Variants in ST8SIA5 observed in about 807,000 individuals in gnomAD.
ST8SIA5 encodes ST8 alpha-N-acetyl-neuraminide alpha-2,8-sialyltransferase 5, also known as alpha-2,8-sialyltransferase 8E.
A neutral mutation model predicts 40.2 loss-of-function variants in ST8SIA5; 24 were observed. The observed-to-expected ratio is 0.60, with a 90% CI of 0.43 to 0.84. The LOEUF (loss-of-function observed/expected upper bound fraction) is 0.84, where lower values mean the gene tolerates loss of function less well. Ranked by LOEUF, ST8SIA5 falls within the 40% of genes least tolerant of loss-of-function variation. ST8SIA5 has a pLI of 0.00. For synonymous variants in ST8SIA5, 198 were observed against 201.8 expected (o/e 0.98, Z 0.16); for missense variants, 465 against 498.5 (o/e 0.93, Z 0.64).
rs1051366867 is a variant in ST8SIA5 at position 46,669,127 on chromosome 18, G to C, written c.*10915C>G. 2 of 152,638 alleles carry C rather than the reference G, an allele frequency of 1.3e-5. No individual in the cohort carries two copies. The highest frequency in any genetic ancestry group is 1.3e-4 in the Admixed American group (2 of 15,296). 9.5% of individuals were successfully genotyped at this position (152,638 alleles called of 1,614,324 possible). On this transcript the variant is annotated 3_prime_UTR_variant, in exon 7 of 7. Transcript: ENST00000315087. ...TTGGCCCCCAAAGAGGAATGAATACGAACAGGTCCCTCCACACAGGTGCTG... is the reference window on the plus strand; with the variant it reads ...TTGGCCCCCAAAGAGGAATGAATACCAACAGGTCCCTCCACACAGGTGCTG...
chr18:46,753,196 A>T (rs2040210617), intron 1 of ST8SIA5, among the ~76,000 whole-genome samples: 1 of 152,040 alleles, frequency 6.6e-6, no homozygotes, highest in Non-Finnish European at 1.5e-5. Flanking sequence ...ACCTTCAATT[A>T]TTTATTCATT....
chr18:46,749,637 T>A (rs1599157101), intron 1 of ST8SIA5, among the ~76,000 whole-genome samples: 1 of 152,388 alleles, frequency 6.6e-6, no homozygotes, highest in South Asian at 2.1e-4. Context: ...TATTTCTATA[T>A]GCCAGCTACG....
intron 1 of ST8SIA5, among the ~76,000 whole-genome samples, chr18:46,742,112 A>T (rs1379231792): frequency 2.0e-5 from 3 of 151,886 alleles, no homozygotes; most frequent in Non-Finnish European, 2.9e-5. Context: ...AAAATAAATA[A>T]ATAAATAAAT....
intron 1 of ST8SIA5, among the ~76,000 whole-genome samples, chr18:46,714,641 G>A (rs781726176): frequency 7.9e-5 from 12 of 152,234 alleles, no homozygotes; most frequent in African/African-American, 2.4e-4. Flanking sequence ...CGTCTGGGGC[G>A]AACCTAGGCC....
In ST8SIA5 at chr18:46,678,837, T is replaced by C. The variant is rs1349997787; in HGVS notation, c.*1205A>G. ...CTCTTAGACACCATCCCATTTATGG[T>C]GGAAACACCACAGGGAGAAGCAAAG... On this transcript the variant is annotated 3_prime_UTR_variant, in exon 7 of 7. Transcript: ENST00000315087. 1 of 152,204 alleles carries C rather than the reference T, an allele frequency of 6.6e-6. No homozygotes were observed. The highest frequency in any genetic ancestry group is 1.5e-5 in the Non-Finnish European group (1 of 68,062). The allele number at this position is 152,204 out of a possible 1,614,324, so 9.4% of individuals were successfully genotyped here. A position where few individuals can be genotyped will look rare whatever the true frequency, so the allele number is the denominator to read the frequency against.
intron 1 of ST8SIA5, chr18:46,721,456 C>A (rs1285782115): frequency 6.5e-7 from 1 of 1,536,120 alleles, no homozygotes; most frequent in Admixed American, 2.0e-5. Context: ...CTCTGCCAAC[C>A]AAACTGGAGG....
At chr18:46,734,995 C>A (rs918369094) in intron 1 of ST8SIA5, among the ~76,000 whole-genome samples, 3 of 152,186 alleles carry the variant, frequency 2.0e-5, no homozygotes, top group African/African-American at 7.2e-5. Context: ...GCAGACCCAC[C>A]CTTAATGTGG....
At chr18:46,683,615 A>G (rs1371943642) in intron 5 of ST8SIA5, among the ~76,000 whole-genome samples, 2 of 152,062 alleles carry the variant, frequency 1.3e-5, no homozygotes, top group African/African-American at 2.4e-5. Context: ...GGTTTAAGGA[A>G]TAATTGTGCA....
intron 1 of ST8SIA5, among the ~76,000 whole-genome samples, chr18:46,728,864 C>T (rs2039958348): frequency 6.6e-6 from 1 of 152,116 alleles, no homozygotes; most frequent in South Asian, 2.1e-4. Flanking sequence ...CTGAACACTG[C>T]CATCAGAGTG....
intron 6 of ST8SIA5, among the ~76,000 whole-genome samples, chr18:46,681,491 A>G (rs989809878): frequency 2.6e-5 from 4 of 152,216 alleles, no homozygotes; most frequent in African/African-American, 9.6e-5. Flanking sequence ...AAAACCTTCC[A>G]GATGAACCCC....
At chr18:46,732,114 A>C (rs2039990508) in intron 1 of ST8SIA5, among the ~76,000 whole-genome samples, 1 of 152,198 alleles carries the variant, frequency 6.6e-6, no homozygotes, top group Admixed American at 6.5e-5. Flanking sequence ...AAAGGTTGCC[A>C]ATGAATCCAA....
chr18:46,703,590 A>G (rs2039639658), intron 2 of ST8SIA5, among the ~76,000 whole-genome samples: 1 of 152,110 alleles, frequency 6.6e-6, no homozygotes, highest in Non-Finnish European at 1.5e-5. Context: ...TCTTCCCCTG[A>G]TGCACACTAG....
chr18:46,719,408 G>C, intron 1 of ST8SIA5, among the ~76,000 whole-genome samples: 1 of 152,140 alleles, frequency 6.6e-6, no homozygotes, highest in Non-Finnish European at 1.5e-5. Flanking sequence ...CAATGGGGAG[G>C]AAGAAAGGAA....
At chr18:46,705,932 T>C (rs1416047252) in intron 1 of ST8SIA5, among the ~76,000 whole-genome samples, 1 of 152,220 alleles carries the variant, frequency 6.6e-6, no homozygotes, top group African/African-American at 2.4e-5. Context: ...CACGTACCCT[T>C]ACACACTGGA....
chr18:46,695,174 A>AAC (rs1221384260), intron 2 of ST8SIA5, among the ~76,000 whole-genome samples: 1 of 151,612 alleles, frequency 6.6e-6, no homozygotes, highest in Non-Finnish European at 1.5e-5. Context: ...AAAAAAAAAA[A>AAC]AAACCCTTTT....
At chr18:46,714,541 C>T (rs2039766083) in intron 1 of ST8SIA5, among the ~76,000 whole-genome samples, 1 of 152,134 alleles carries the variant, frequency 6.6e-6, no homozygotes, top group Non-Finnish European at 1.5e-5. Flanking sequence ...CCCTGACAGG[C>T]ACTGCACCCA....
At chr18:46,748,254 A>T (rs1227343598) in intron 1 of ST8SIA5, among the ~76,000 whole-genome samples, 1 of 151,944 alleles carries the variant, frequency 6.6e-6, no homozygotes, top group Non-Finnish European at 1.5e-5. Flanking sequence ...ATTTAAAAAA[A>T]TAGGCAAAGG....
chr18:46,751,378 A>G (rs1568283125), intron 1 of ST8SIA5, among the ~76,000 whole-genome samples: 2 of 151,690 alleles, frequency 1.3e-5, no homozygotes, highest in African/African-American at 4.8e-5. Flanking sequence ...TTATTTATTT[A>G]TTTATTTAAT....
At chr18:46,732,201 A>G (rs766745443) in intron 1 of ST8SIA5, among the ~76,000 whole-genome samples, 9 of 152,216 alleles carry the variant, frequency 5.9e-5, no homozygotes, top group Non-Finnish European at 1.0e-4. Flanking sequence ...GAGTTGCAGC[A>G]TCTTGCTCCA....
Sources: allele counts gnomAD v4.1 joint callset (sites outside exome capture counted in the v4.1 genomes callset), GRCh38; gene constraint gnomAD v4.1.1; transcripts MANE v1.5; gene names NCBI Gene and HGNC (gene_info 2026-07-23, HGNC 2026-07-21).